AMOTL1: variants seen among roughly 807,000 people sequenced by gnomAD.
AMOTL1 encodes angiomotin like 1.
A neutral mutation model predicts 102.9 loss-of-function variants in AMOTL1; 45 were observed. The observed-to-expected ratio is 0.44, with a 90% CI of 0.34 to 0.56. AMOTL1 has a LOEUF of 0.56. AMOTL1 is among the 20% of genes least tolerant of loss of function. The probability of loss-of-function intolerance (pLI) is 0.01; values close to 1 mark genes in which losing one functional copy is unlikely to be tolerated. For synonymous variants in AMOTL1, 481 were observed against 484.7 expected (o/e 0.99, Z 0.10); for missense variants, 1,114 against 1,225.6 (o/e 0.91, Z 1.36).
intron 7 of AMOTL1, among the ~76,000 whole-genome samples, chr11:94,851,448 A>G (rs1194266168): frequency 2.0e-5 from 3 of 152,194 alleles, no homozygotes; most frequent in Non-Finnish European, 4.4e-5. Flanking sequence ...GGTTGGTTGA[A>G]TGTAGCCTCT....
chr11:94,806,830 A>C (rs1951576024), intron 3 of AMOTL1, among the ~76,000 whole-genome samples: 1 of 152,194 alleles, frequency 6.6e-6, no homozygotes, highest in Admixed American at 6.5e-5. Flanking sequence ...TTTACCCAAG[A>C]GTAGAGTCTT....
At chr11:94,801,193 A>G (rs1951471877) in intron 3 of AMOTL1, among the ~76,000 whole-genome samples, 1 of 152,178 alleles carries the variant, frequency 6.6e-6, no homozygotes, top group Non-Finnish European at 1.5e-5. Flanking sequence ...AACTTGAAGG[A>G]TAAATCAGAG....
intron 2 of AMOTL1, among the ~76,000 whole-genome samples, chr11:94,798,279 T>A (rs1165678487): frequency 6.6e-6 from 1 of 152,222 alleles, no homozygotes; most frequent in Non-Finnish European, 1.5e-5. Flanking sequence ...TGGCACATCA[T>A]ATACATGTTT....
intron 6 of AMOTL1, among the ~76,000 whole-genome samples, chr11:94,844,031 G>A (rs910086714): frequency 6.6e-6 from 1 of 152,102 alleles, no homozygotes; most frequent in Admixed American, 6.5e-5. Flanking sequence ...CCTCTTCTCT[G>A]GTAATGCCCT....
In AMOTL1 at chr11:94,799,719, C is replaced by T. The variant is rs201813690; in HGVS notation, c.529C>T (p.Arg177Trp). 4.8e-5 allele frequency: 77 copies of T among 1,613,500 alleles called. No individual in the cohort carries two copies. Among genetic ancestry groups the T allele is most frequent in the Non-Finnish European group, 5.9e-5 (70 of 1,179,788 alleles). Residue 177 changes from arginine (R) to tryptophan (W), a missense_variant, in exon 3 of 13, where the codon CGG becomes TGG. Physicochemically the swap from Arg to Trp is moderately radical, Grantham distance 101 (BLOSUM62 -3). Coordinates refer to ENST00000433060, the MANE Select transcript of AMOTL1 (RefSeq NM_130847.3). The surrounding 1 kb of genome is among the most constrained non-coding windows in gnomAD (Gnocchi z 4.5). Reference protein sequence around the residue: ...VDNTVMEKQVRSTQPQQNNEE... With the variant: ...VDNTVMEKQVWSTQPQQNNEE... Reference sequence around the variant, plus strand: ...CAATACGGTGATGGAGAAACAGGTCCGGTCCACGCAGCCTCAGCAGAACAA... The same window carrying T: ...CAATACGGTGATGGAGAAACAGGTCTGGTCCACGCAGCCTCAGCAGAACAA...
rs1951341954 is a variant in AMOTL1, at chr11:94,795,098, C to T, written c.137C>T (p.Ser46Phe). Reference protein sequence around the residue: ...TYFSPDFQLYSGRHETSALTV... With the variant: ...TYFSPDFQLYFGRHETSALTV... ...TTTTCCCCAGACTTTCAGCTCTATT[C>T]TGGGAGGCATGAAACATCTGCTTTG... Residue 46 changes from serine (S) to phenylalanine (F), a missense_variant, in exon 2 of 13, where the codon TCT becomes TTT. Physicochemically the swap from Ser to Phe is radical, Grantham distance 155. Transcript: ENST00000433060. The T allele has an allele frequency of 6.2e-7, 1 of 1,613,790 alleles. No homozygotes were observed. The highest frequency in any genetic ancestry group is 8.5e-7 in the Non-Finnish European group (1 of 1,179,864).
intron 3 of AMOTL1, among the ~76,000 whole-genome samples, chr11:94,810,906 T>C (rs1951670011): frequency 6.6e-6 from 1 of 151,486 alleles, no homozygotes; most frequent in Admixed American, 6.6e-5. Flanking sequence ...AGCTTTTAAT[T>C]GACTGCTAAC....
At chr11:94,752,335 A>G (rs1950666847) in intron 3 of AMOTL1, among the ~76,000 whole-genome samples, 2 of 152,270 alleles carry the variant, frequency 1.3e-5, no homozygotes, top group South Asian at 4.1e-4. Flanking sequence ...CAGAAAAGGC[A>G]GTGCTTGCCT....
At position 94,707,708 on chromosome 11, in the gene AMOTL1, C is replaced by G. The variant is rs144480021; in HGVS notation, c.-51+1111C>G. Reference sequence around the variant, plus strand: ...TCATCCTCACCTGAAATCTGCTCCCCCTTCTGTGTCCCCTAGGTCTGTGAA... The same window carrying G: ...TCATCCTCACCTGAAATCTGCTCCCGCTTCTGTGTCCCCTAGGTCTGTGAA... On this transcript the variant is annotated intron_variant, in intron 1 of 4. Coordinates refer to the AMOTL1 transcript ENST00000299004. 3.2e-3 allele frequency among the ~76,000 whole-genome samples: 481 copies of G among 152,232 alleles called. 2 individuals carry two copies. The highest frequency in any genetic ancestry group is 0.011 in the African/African-American group (455 of 41,500).
At chr11:94,741,098 G>A (rs1950518216) in intron 3 of AMOTL1, 16 of 941,884 alleles carry the variant, frequency 1.7e-5, no homozygotes, top group Admixed American at 2.3e-5. Flanking sequence ...GGGGTTGGAG[G>A]GCGGAGGGAA....
At chr11:94,818,574 G>T (rs1951806823) in intron 3 of AMOTL1, among the ~76,000 whole-genome samples, 1 of 152,154 alleles carries the variant, frequency 6.6e-6, no homozygotes, top group African/African-American at 2.4e-5. Context: ...AATTTGTCTT[G>T]TGATTTGTCT....
Position 94,831,471 on chromosome 11 carries a change from C to A in AMOTL1, c.1578C>A (p.Asn526Lys). The change falls in exon 6 of 13, where the codon AAC becomes AAA. Residue 526 changes from asparagine to lysine, a missense_variant. Coordinates refer to ENST00000433060, the MANE Select transcript of AMOTL1 (RefSeq NM_130847.3). ...TCATAGATCGACTAGAGACTGCTAACAGGCAACTATCCAGCAGGGAATACG... is the reference window on the plus strand; with the variant it reads ...TCATAGATCGACTAGAGACTGCTAAAAGGCAACTATCCAGCAGGGAATACG... ...RDLRDRLETA[N>K]RQLSSREYEG... is the part of the protein sequence containing the mutation. 1 of 1,613,740 alleles carries A rather than the reference C, an allele frequency of 6.2e-7. No homozygotes were observed. The highest frequency in any genetic ancestry group is 8.5e-7 in the Non-Finnish European group (1 of 1,179,680).
At chr11:94,752,870 C>T (rs1277422064) in intron 3 of AMOTL1, among the ~76,000 whole-genome samples, 1 of 152,148 alleles carries the variant, frequency 6.6e-6, no homozygotes, top group Non-Finnish European at 1.5e-5. Flanking sequence ...TAGTCTACTG[C>T]TGGGATCTGT....
intron 3 of AMOTL1, among the ~76,000 whole-genome samples, chr11:94,751,777 A>G (rs1221516124): frequency 7.3e-6 from 1 of 137,828 alleles, no homozygotes; most frequent in Non-Finnish European, 1.5e-5. Context: ...GCATTCACAC[A>G]GCACACACAC....
At chr11:94,737,178 A>T (rs1342924271) in intron 2 of AMOTL1, among the ~76,000 whole-genome samples, 1 of 152,204 alleles carries the variant, frequency 6.6e-6, no homozygotes, top group African/African-American at 2.4e-5. Context: ...ACAGTTTGGC[A>T]GGCTCCAGAA....
At chr11:94,747,698 A>C (rs1950606074) in intron 3 of AMOTL1, among the ~76,000 whole-genome samples, 1 of 152,188 alleles carries the variant, frequency 6.6e-6, no homozygotes, top group Non-Finnish European at 1.5e-5. Flanking sequence ...GTGCTTGTGC[A>C]ATGGTCAAAT....
chr11:94,744,466 T>C (rs1208649940), intron 3 of AMOTL1, among the ~76,000 whole-genome samples: 1 of 152,160 alleles, frequency 6.6e-6, no homozygotes, highest in Non-Finnish European at 1.5e-5. Flanking sequence ...AGGGTTTTTA[T>C]GGATGTTCCA....
chr11:94,860,814 A>C lies in AMOTL1; in HGVS notation c.2135+1099A>C, dbSNP rs563567421. 2.0e-5 allele frequency among the ~76,000 whole-genome samples: 3 copies of C among 152,326 alleles called. No homozygotes were observed. The East Asian group carries it at 5.8e-4, about 29-fold the overall frequency. On this transcript the variant is annotated intron_variant, in intron 9 of 12. Transcript: ENST00000433060. ...ACAGGACATGAACCGAGAGAGGAGT[A>C]AAAGCCACATTGCCTTGGGATGGGT... is the stretch of plus-strand genomic sequence containing the variant.
At position 94,729,482 on chromosome 11, in the gene AMOTL1, A is replaced by G. The variant is rs1040315366; in HGVS notation, c.85+427A>G. 1.7e-4 allele frequency among the ~76,000 whole-genome samples: 26 copies of G among 152,308 alleles called. 1 individual carries two copies. In the East Asian group the frequency reaches 2.9e-3, roughly 17 times the overall value. ...CATTCAAGTTGAGGATAAAGCAACC[A>G]ATATAAACAGAGTAGGCCAGCTCTT... On this transcript the variant is annotated intron_variant, in intron 2 of 4. Transcript: ENST00000299004.
Sources: gnomAD v4.1 joint callset for allele counts (sites outside exome capture counted in the v4.1 genomes callset) on GRCh38, gnomAD v4.1.1 for gene constraint, Gnocchi (gnomAD v3.1) non-coding constraint, MANE v1.5 for transcripts, NCBI Gene and HGNC (gene_info 2026-07-23, HGNC 2026-07-21) for gene names.